The following GAS2 variants were observed in gnomAD, a reference collection of about 807,000 sequenced individuals.
GAS2 encodes growth arrest-specific protein 2.
A neutral mutation model predicts 37.5 loss-of-function variants in GAS2; 20 were observed. The ratio of observed to expected loss-of-function variants is 0.53; its 90% CI spans 0.37 to 0.77. The LOEUF (loss-of-function observed/expected upper bound fraction) is 0.77, where lower values mean the gene tolerates loss of function less well. GAS2 is among the 30% of genes least tolerant of loss of function. The pLI is 0.00. For synonymous variants in GAS2, 144 were observed against 132.2 expected, an observed-to-expected ratio of 1.09 and a Z score of -0.61; for missense variants, 336 against 373.4, an observed-to-expected ratio of 0.90 and a Z score of 0.82.
rs71037529 is a variant in GAS2 at position 22,789,457 on chromosome 11, C to CTTTT, written c.724-22322_724-22319dup. ...ATATATATATATATATATATATATT[C>CTTTT]TTTTTTTTTTTTTTTTTTTTTTGAG... On this transcript the variant is annotated intron_variant, in intron 7 of 7. Coordinates refer to ENST00000454584, the MANE Select transcript of GAS2 (RefSeq NM_001143830.3). Among the ~76,000 whole-genome samples the CTTTT allele has an allele frequency of 2.5e-3, 78 of 31,412 alleles. 10 individuals carry two copies. Among genetic ancestry groups the CTTTT allele is most frequent in the African/African-American group, 7.2e-3 (57 of 7,888 alleles). The allele number at this position is 31,412 out of a possible 152,430, so 20.6% of individuals were successfully genotyped here. A position where few individuals can be genotyped will look rare whatever the true frequency, so the allele number is the denominator to read the frequency against.
chr11:22,626,005 C>CTTA, intron 1 of GAS2: 1 of 681,586 alleles, frequency 1.5e-6, no homozygotes, highest in Non-Finnish European at 2.6e-6. Context: ...TTTCGCCACA[C>CTTA]AAAGAGGTTC....
chr11:22,676,300 A>T (rs576581243), intron 2 of GAS2, among the ~76,000 whole-genome samples: 1 of 152,172 alleles, frequency 6.6e-6, no homozygotes, highest in African/African-American at 2.4e-5. Flanking sequence ...ATTTAAGCCT[A>T]AACAGATGGA....
At chr11:22,673,774 C>T (rs778964764) in intron 1 of GAS2, among the ~76,000 whole-genome samples, 13 of 152,032 alleles carry the variant, frequency 8.6e-5, no homozygotes, top group Non-Finnish European at 1.5e-4. Context: ...AACAAAAATG[C>T]CATATTCAAG....
chr11:22,711,466 A>T (rs147358444), intron 3 of GAS2, among the ~76,000 whole-genome samples: 118 of 152,324 alleles, frequency 7.7e-4, no homozygotes, highest in African/African-American at 2.7e-3. Flanking sequence ...GACTGAGCAC[A>T]AACTTTCCTG....
chr11:22,755,170 T>C (rs1239332064), intron 6 of GAS2, among the ~76,000 whole-genome samples: 2 of 152,112 alleles, frequency 1.3e-5, no homozygotes, highest in African/African-American at 4.8e-5. Flanking sequence ...GGAGAATAGA[T>C]ATAACAGGGA....
At chr11:22,640,968 A>G (rs1026497854) in intron 1 of GAS2, among the ~76,000 whole-genome samples, 1 of 151,716 alleles carries the variant, frequency 6.6e-6, no homozygotes, top group Non-Finnish European at 1.5e-5. Context: ...GTTAATCTCC[A>G]TTTGTTTTTC....
chr11:22,803,253 T>A (rs990808931), intron 7 of GAS2, among the ~76,000 whole-genome samples: 20 of 152,266 alleles, frequency 1.3e-4, no homozygotes, highest in African/African-American at 4.8e-4. Context: ...AACAGATAAC[T>A]AGTGTATTCC....
intron 7 of GAS2, among the ~76,000 whole-genome samples, chr11:22,756,157 C>T (rs991451924): frequency 4.6e-5 from 7 of 152,064 alleles, no homozygotes; most frequent in East Asian, 1.9e-4. Flanking sequence ...TATACCAAAA[C>T]GCATATACAC....
intron 7 of GAS2, among the ~76,000 whole-genome samples, chr11:22,781,747 T>A (rs75151022): frequency 0.018 from 2,741 of 152,170 alleles, 73 homozygotes; most frequent in African/African-American, 0.063. Flanking sequence ...CAAAAAATAT[T>A]ATATTTTTTG....
intron 7 of GAS2, among the ~76,000 whole-genome samples, chr11:22,793,366 T>C (rs1856268608): frequency 6.6e-6 from 1 of 152,202 alleles, no homozygotes; most frequent in Non-Finnish European, 1.5e-5. Context: ...AATTGGTTTA[T>C]AATTTTCTTC....
intron 7 of GAS2, among the ~76,000 whole-genome samples, chr11:22,763,185 T>A (rs1264256077): frequency 1.3e-5 from 2 of 152,172 alleles, no homozygotes; most frequent in Admixed American, 6.5e-5. Context: ...AATAGAAAGG[T>A]CACACACATT....
intron 2 of GAS2, among the ~76,000 whole-genome samples, chr11:22,682,937 A>G (rs1849765442): frequency 6.6e-6 from 1 of 151,420 alleles, no homozygotes; most frequent in African/African-American, 2.4e-5. Context: ...TGAATACACA[A>G]TACAAATTCT....
chr11:22,789,383 C>CAT (rs1158832714), intron 7 of GAS2, among the ~76,000 whole-genome samples: 1 of 56,374 alleles, frequency 1.8e-5, no homozygotes, highest in Non-Finnish European at 3.6e-5. Context: ...TATATATGTA[C>CAT]ATATATATGT....
intron 3 of GAS2, among the ~76,000 whole-genome samples, chr11:22,711,822 C>T (rs779655348): frequency 2.0e-5 from 3 of 152,246 alleles, no homozygotes; most frequent in Non-Finnish European, 4.4e-5. Context: ...AAAGCCACCC[C>T]AAAAACCCCC....
At chr11:22,743,104 C>G (rs1853182985) in intron 5 of GAS2, among the ~76,000 whole-genome samples, 1 of 152,010 alleles carries the variant, frequency 6.6e-6, no homozygotes, top group South Asian at 2.1e-4. Context: ...AAATTTTACC[C>G]AGTGAGTTAG....
intron 2 of GAS2, among the ~76,000 whole-genome samples, chr11:22,680,526 G>A (rs1849630106): frequency 6.6e-6 from 1 of 152,104 alleles, no homozygotes; most frequent in Non-Finnish European, 1.5e-5. Flanking sequence ...GAGGTACAGT[G>A]GGGATGAAAA....
chr11:22,674,526 A>G (rs547179650), intron 1 of GAS2, among the ~76,000 whole-genome samples: 3 of 152,346 alleles, frequency 2.0e-5, no homozygotes, highest in South Asian at 2.1e-4. Flanking sequence ...GGGCACTAAC[A>G]TTTTAACTTT....
At chr11:22,724,217 G>A (rs1852084593) in intron 3 of GAS2, among the ~76,000 whole-genome samples, 2 of 151,904 alleles carry the variant, frequency 1.3e-5, no homozygotes, top group African/African-American at 4.8e-5. Context: ...AAAAATATCT[G>A]TTTGCAAATT....
At chr11:22,679,578 A>G (rs554374073) in intron 2 of GAS2, among the ~76,000 whole-genome samples, 1 of 152,080 alleles carries the variant, frequency 6.6e-6, no homozygotes, top group African/African-American at 2.4e-5. Flanking sequence ...TAAGAATATT[A>G]TTGGCTTGGA....
Sources: gnomAD v4.1 joint callset for allele counts (sites outside exome capture counted in the v4.1 genomes callset) on GRCh38, gnomAD v4.1.1 for gene constraint, MANE v1.5 for transcripts, NCBI Gene and HGNC (gene_info 2026-07-23, HGNC 2026-07-21) for gene names.